Variants in LAMA2 observed in about 807,000 individuals in gnomAD.
The protein encoded by LAMA2 is laminin subunit alpha-2.
Under a neutral mutation model 364.8 loss-of-function variants are expected in LAMA2, and 269 were observed. The ratio of observed to expected loss-of-function variants is 0.74; its 90% CI spans 0.67 to 0.82. The LOEUF (loss-of-function observed/expected upper bound fraction) is 0.82. LAMA2 is among the 40% of genes least tolerant of loss of function. LAMA2 has a pLI of 0.00. For synonymous variants in LAMA2, 1,379 were observed against 1,370.6 expected, an observed-to-expected ratio of 1.01 and a Z score of -0.14; for missense variants, 3,807 against 3,873.2, an observed-to-expected ratio of 0.98 and a Z score of 0.45.
At chr6:129,036,340 G>A (rs2114743978) in intron 1 of LAMA2, among the ~76,000 whole-genome samples, 1 of 152,170 alleles carries the variant, frequency 6.6e-6, no homozygotes, top group Non-Finnish European at 1.5e-5. Flanking sequence ...CCTTTGTTGG[G>A]AATTTAATAA....
At chr6:129,055,591 A>G (rs1294614723) in intron 2 of LAMA2, among the ~76,000 whole-genome samples, 1 of 152,214 alleles carries the variant, frequency 6.6e-6, no homozygotes. Flanking sequence ...AAGAATAAAA[A>G]TCTAGCAATC....
At chr6:129,468,750 C>A (rs1011595037) in intron 51 of LAMA2, among the ~76,000 whole-genome samples, 1 of 151,942 alleles carries the variant, frequency 6.6e-6, no homozygotes, top group Non-Finnish European at 1.5e-5. Flanking sequence ...TTAGCTCTTA[C>A]AGGACACATT....
chr6:128,953,679 GA>G, intron 1 of LAMA2, among the ~76,000 whole-genome samples: 1 of 151,590 alleles, frequency 6.6e-6, no homozygotes, highest in South Asian at 2.1e-4. Context: ...AAAGAGAAGA[GA>G]AAAAAGAATG....
Position 129,050,000 on chromosome 6 carries a change from G to A in LAMA2, c.195G>A (p.Met65Ile), listed in dbSNP as rs1554206054. The A allele has an allele frequency of 1.2e-6, 2 of 1,614,060 alleles. No homozygotes were observed. Among genetic ancestry groups the A allele is most frequent in the Non-Finnish European group, 1.7e-6 (2 of 1,179,936 alleles). ...NATCGEKGPE[M>I]YCKLVEHVPG... ...CATGTGGAGAAAAAGGACCTGAAAT[G>A]TACTGCAAATTGGTAGAACATGTCC... The change falls in exon 2 of 65, where the codon ATG becomes ATA. Residue 65 changes from methionine to isoleucine, a missense_variant. By Grantham distance (10) the Met-to-Ile change is conservative. Transcript: ENST00000421865.
Position 129,366,361 on chromosome 6 carries a change from G to A in LAMA2, c.4860G>A (p.Lys1620=), listed in dbSNP as rs1256865383. The A allele has an allele frequency of 1.2e-6, 2 of 1,613,354 alleles. No individual in the cohort carries two copies. The highest frequency in any genetic ancestry group is 1.7e-6 in the Non-Finnish European group (2 of 1,179,914). The change falls in exon 33 of 65, where the codon AAG becomes AAA. Residue 1620 remains lysine, a splice_region_variant and synonymous_variant. Coordinates refer to ENST00000421865, the MANE Select transcript of LAMA2 (RefSeq NM_000426.4). Reference sequence around the variant, plus strand: ...TTGAAAATATGACTCAGGAGCTAAAGGTAGGTTGGTGCAGTCACAAGCAAG... The same window carrying A: ...TTGAAAATATGACTCAGGAGCTAAAAGTAGGTTGGTGCAGTCACAAGCAAG... ...YGLENMTQEL[K]HLLSPQRAPE... is the part of the protein sequence containing the mutation.
At chr6:129,365,654 C>T (rs552670423) in intron 32 of LAMA2, among the ~76,000 whole-genome samples, 9 of 150,938 alleles carry the variant, frequency 6.0e-5, no homozygotes, top group African/African-American at 1.7e-4. Context: ...TGAGCCACCA[C>T]ACCCGGCCTT....
chr6:129,338,697 T>C (rs572577499), intron 29 of LAMA2, among the ~76,000 whole-genome samples: 1 of 152,322 alleles, frequency 6.6e-6, no homozygotes, highest in East Asian at 1.9e-4. Context: ...CCTCCCATGT[T>C]TGATGAACTA....
chr6:129,209,679 T>C (rs67033723), intron 12 of LAMA2, among the ~76,000 whole-genome samples: 10,115 of 152,232 alleles, frequency 0.066, 426 homozygotes, highest in African/African-American at 0.1. Context: ...TCAGGCTTTT[T>C]TGCATCAGTC....
intron 1 of LAMA2, among the ~76,000 whole-genome samples, chr6:128,914,264 A>G (rs1349103895): frequency 1.3e-5 from 2 of 152,164 alleles, no homozygotes; most frequent in Non-Finnish European, 2.9e-5. Context: ...CTTCAAACCA[A>G]TGGTTTGTGC....
chr6:129,117,579 C>T (rs928686732), intron 4 of LAMA2, among the ~76,000 whole-genome samples: 7 of 152,152 alleles, frequency 4.6e-5, no homozygotes, highest in Non-Finnish European at 1.0e-4. Context: ...ACAGAATGTA[C>T]TCCTACAAAA....
rs893896973 is a variant in LAMA2 at position 129,157,508 on chromosome 6, C to T, written c.1206+2825C>T. 11 of 1,611,646 alleles carry T rather than the reference C, an allele frequency of 6.8e-6. No homozygotes were observed. The African/African-American group carries it at 1.3e-4, about 20-fold the overall frequency. ...GTTCTTGCAGTCTAGAGTTTCTCCTCCGATGGTTTAACCGTCAGATTTTTA... is the reference window on the plus strand; with the variant it reads ...GTTCTTGCAGTCTAGAGTTTCTCCTTCGATGGTTTAACCGTCAGATTTTTA... On this transcript the variant is annotated intron_variant, in intron 8 of 64. Coordinates refer to ENST00000421865, the MANE Select transcript of LAMA2 (RefSeq NM_000426.4).
chr6:129,514,394 G>T lies in LAMA2; in HGVS notation c.9010G>T (p.Gly3004Cys), dbSNP rs1264844768. The T allele has an allele frequency of 1.2e-6, 2 of 1,613,638 alleles. No homozygotes were observed. The highest frequency in any genetic ancestry group is 1.7e-6 in the Non-Finnish European group (2 of 1,179,638). Residue 3004 changes from glycine to cysteine, a missense_variant, in exon 64 of 65, where the codon GGT becomes TGT. Around this residue, in one of 3 missense-constraint regions of LAMA2, gnomAD observed 3,333 missense variants for 3,345.7 expected, o/e 1.00. Coordinates refer to ENST00000421865, the MANE Select transcript of LAMA2 (RefSeq NM_000426.4). ...DEKLMFHVDN[G>C]AGRFTAVYDA... is the part of the protein sequence containing the mutation. ...CCAGTTGATGTTTCATGTGGACAAT[G>T]GTGCGGGCAGATTCACTGCTGTCTA...
chr6:129,103,857 C>A (rs530524391), intron 4 of LAMA2, among the ~76,000 whole-genome samples: 8 of 151,886 alleles, frequency 5.3e-5, no homozygotes, highest in African/African-American at 1.9e-4. Context: ...AGATTTTTAA[C>A]GTGGACAGCA....
At chr6:128,960,708 C>G (rs1000632920) in intron 1 of LAMA2, among the ~76,000 whole-genome samples, 1 of 152,044 alleles carries the variant, frequency 6.6e-6, no homozygotes, top group African/African-American at 2.4e-5. Flanking sequence ...ATTGTTTCCC[C>G]TGGGGAGACC....
intron 4 of LAMA2, among the ~76,000 whole-genome samples, chr6:129,121,727 G>A (rs1396853778): frequency 6.6e-6 from 1 of 152,050 alleles, no homozygotes; most frequent in Admixed American, 6.6e-5. Flanking sequence ...TATATTTATA[G>A]CCTCGAGAAA....
Position 129,347,618 on chromosome 6 carries a change from G to C in LAMA2, c.4437-1680G>C, listed in dbSNP as rs143458524. Among the ~76,000 whole-genome samples, 182 of 152,268 alleles carry C rather than the reference G, an allele frequency of 1.2e-3. 1 individual carries two copies. Among genetic ancestry groups the C allele is most frequent in the African/African-American group, 4.2e-3 (175 of 41,550 alleles). ...CTGTAAATTTTAAAAATTCTGTTGAGGGGAGTTTGGAATTAGCAGCCATAG... is the reference window on the plus strand; with the variant it reads ...CTGTAAATTTTAAAAATTCTGTTGACGGGAGTTTGGAATTAGCAGCCATAG... On this transcript the variant is annotated intron_variant, in intron 30 of 64. Transcript: ENST00000421865.
chr6:129,312,715 A>G (rs796361235), intron 22 of LAMA2, 146 bp from the exon 23 acceptor site: 49 of 685,736 alleles, frequency 7.1e-5, no homozygotes, highest in African/African-American at 6.2e-4. Context: ...GATGTTTCCC[A>G]AGTGACTAAA....
At chr6:129,401,423 C>T (rs1779968259) in intron 38 of LAMA2, 83 bp downstream of exon 38, 1 of 861,196 alleles carries the variant, frequency 1.2e-6, no homozygotes, top group African/African-American at 1.7e-5. Flanking sequence ...GAAGCAAATA[C>T]TAGTACTTGT....
At chr6:128,896,440 G>A (rs186510098) in intron 1 of LAMA2, among the ~76,000 whole-genome samples, 1 of 150,040 alleles carries the variant, frequency 6.7e-6, no homozygotes, top group Non-Finnish European at 1.5e-5. Flanking sequence ...ACACATTCCA[G>A]TAACACTGAA....
Sources: gnomAD v4.1 joint callset for allele counts (sites outside exome capture counted in the v4.1 genomes callset) on GRCh38, gnomAD v4.1.1 for gene constraint, gnomAD v4.1.1 regional missense constraint, MANE v1.5 for transcripts, NCBI Gene and HGNC (gene_info 2026-07-23, HGNC 2026-07-21) for gene names.